NAALAD2: variants seen among roughly 807,000 people sequenced by gnomAD.
NAALAD2 encodes the protein N-acetylated alpha-linked acidic dipeptidase 2.
In NAALAD2, 89 loss-of-function variants were observed where a neutral mutation model predicts 95.6. The observed-to-expected ratio is 0.93, with a 90% confidence interval of 0.78 to 1.11. NAALAD2 has a LOEUF of 1.11. Among genes scored for constraint, NAALAD2 ranks in the 50% least tolerant of loss-of-function variants. The pLI, the probability that NAALAD2 is intolerant of heterozygous loss-of-function variation, is 0.00. For synonymous variants in NAALAD2, 264 were observed against 294.4 expected (o/e 0.90, Z 1.06); for missense variants, 894 against 872.4 (o/e 1.02, Z -0.31).
At chr11:90,158,417 C>T in intron 7 of NAALAD2, 179 bp downstream of exon 7, 2 of 517,892 alleles carry the variant, frequency 3.9e-6, no homozygotes, top group Non-Finnish European at 6.7e-6. Flanking sequence ...ATTTTAGTGA[C>T]TAAGAAATCA....
chr11:90,143,181 T>C (rs1476595491), intron 2 of NAALAD2, among the ~76,000 whole-genome samples: 1 of 152,142 alleles, frequency 6.6e-6, no homozygotes, highest in African/African-American at 2.4e-5. Context: ...TTTTTGATGC[T>C]TTTCATTTGT....
At chr11:90,191,048 C>A (rs1455897965) in intron 18 of NAALAD2, among the ~76,000 whole-genome samples, 3 of 152,028 alleles carry the variant, frequency 2.0e-5, no homozygotes, top group African/African-American at 4.8e-5. Context: ...AACTGTCTTA[C>A]CTTTGTGGAA....
intron 18 of NAALAD2, among the ~76,000 whole-genome samples, chr11:90,190,939 AGCT>A (rs1271234786): frequency 6.6e-6 from 1 of 152,168 alleles, no homozygotes; most frequent in Non-Finnish European, 1.5e-5. Context: ...TGCGGAAAGT[AGCT>A]TGATCCCTTG....
At chr11:90,168,605 TG>T (rs1456302150) in intron 11 of NAALAD2, among the ~76,000 whole-genome samples, 3 of 152,214 alleles carry the variant, frequency 2.0e-5, no homozygotes, top group Non-Finnish European at 2.9e-5. Context: ...CCCTAGAATA[TG>T]GGAGCCACAT....
chr11:90,150,351 G>A, intron 4 of NAALAD2, 131 bp from the exon 5 acceptor site: 2 of 475,604 alleles, frequency 4.2e-6, no homozygotes, highest in Admixed American at 3.7e-5. Flanking sequence ...AATTACTGTG[G>A]GTCTGTTTAT....
At position 90,191,970 on chromosome 11, in the gene NAALAD2, G is replaced by A; in HGVS notation, c.*223G>A. 3.4e-6 allele frequency: 1 copy of A among 293,194 alleles called. No homozygotes were observed. The highest frequency in any genetic ancestry group is 5.5e-5 in the East Asian group (1 of 18,166). 18.2% of individuals were successfully genotyped at this position (293,194 alleles called of 1,614,324 possible). On this transcript the variant is annotated 3_prime_UTR_variant, in exon 19 of 19. Coordinates refer to ENST00000534061, the MANE Select transcript of NAALAD2 (RefSeq NM_005467.4). ...CTAATGAAGTAAAAAACTCCTGTGT[G>A]GCAGAAAGTAAAAGAAAATTCCCTA...
At position 90,147,643 on chromosome 11, in the gene NAALAD2, C is replaced by T. The variant is rs1951778210; in HGVS notation, c.381+127C>T. 8.1e-6 allele frequency: 7 copies of T among 862,884 alleles called. No individual in the cohort carries two copies. In the South Asian group the frequency reaches 1.4e-4, roughly 17 times the overall value. The allele number at this position is 862,884 out of a possible 1,614,324, so 53.5% of individuals were successfully genotyped here. ...TATTCAGTATCCACTATGTGTTCGA[C>T]ATGGTGTTAAGTCCTGAGGCCAGAA... On this transcript the variant is annotated intron_variant, in intron 3 of 18. Coordinates refer to ENST00000534061, the MANE Select transcript of NAALAD2 (RefSeq NM_005467.4).
chr11:90,143,070 AT>A (rs1412745797), intron 2 of NAALAD2, among the ~76,000 whole-genome samples: 1 of 152,126 alleles, frequency 6.6e-6, no homozygotes, highest in Non-Finnish European at 1.5e-5. Context: ...ACCTCAAAAA[AT>A]AATGTTATAT....
At chr11:90,177,773 T>C (rs568374145) in intron 15 of NAALAD2, 80 bp from the exon 16 acceptor site, 1 of 1,354,460 alleles carries the variant, frequency 7.4e-7, no homozygotes, top group Non-Finnish European at 1.0e-6. Context: ...TTTTCTATAG[T>C]TATTTTTATG....
chr11:90,176,863 C>G (rs536499841), intron 15 of NAALAD2, among the ~76,000 whole-genome samples: 1 of 152,140 alleles, frequency 6.6e-6, no homozygotes, highest in Admixed American at 6.5e-5. Context: ...CCAGAGTAAC[C>G]CAAAATAGAT....
At chr11:90,155,383 TACATGTAA>T (rs1952047274) in intron 6 of NAALAD2, among the ~76,000 whole-genome samples, 2 of 90,330 alleles carry the variant, frequency 2.2e-5, no homozygotes, top group Non-Finnish European at 3.8e-5. Context: ...TTACATATTA[TACATGTAA>T]TATATAATAT....
At chr11:90,135,380 A>T (rs1487806368) in intron 1 of NAALAD2, among the ~76,000 whole-genome samples, 179 bp from the exon 2 acceptor site, 1 of 152,222 alleles carries the variant, frequency 6.6e-6, no homozygotes, top group Admixed American at 6.5e-5. Context: ...ATTATATTAC[A>T]TATCAGAATT....
chr11:90,136,498 C>A (rs937913745), intron 2 of NAALAD2, among the ~76,000 whole-genome samples: 1 of 152,118 alleles, frequency 6.6e-6, no homozygotes, highest in Non-Finnish European at 1.5e-5. Flanking sequence ...ACTGGAGATT[C>A]ATTTGCATTT....
intron 16 of NAALAD2, among the ~76,000 whole-genome samples, chr11:90,178,391 G>T (rs1408362261): frequency 1.3e-5 from 2 of 152,168 alleles, no homozygotes; most frequent in Non-Finnish European, 2.9e-5. Flanking sequence ...ATTTTTACTG[G>T]CTGGGTGCGG....
chr11:90,185,979 G>C (rs12793414), intron 18 of NAALAD2, among the ~76,000 whole-genome samples: 72,844 of 150,702 alleles, frequency 0.48, 18,232 homozygotes, highest in Non-Finnish European at 0.56. Flanking sequence ...ATGACTTTTT[G>C]AGTCCATGAT....
intron 2 of NAALAD2, among the ~76,000 whole-genome samples, chr11:90,146,022 A>G (rs1171593947): frequency 6.6e-6 from 1 of 152,132 alleles, no homozygotes; most frequent in Non-Finnish European, 1.5e-5. Context: ...ATTTAGAAAT[A>G]TCACTATTTC....
intron 2 of NAALAD2, among the ~76,000 whole-genome samples, chr11:90,143,338 A>G (rs1951670237): frequency 6.6e-6 from 1 of 152,074 alleles, no homozygotes; most frequent in African/African-American, 2.4e-5. Flanking sequence ...TTCTCCAAAC[A>G]TATTTTTCCT....
rs1857328090 is a variant in NAALAD2, at chr11:90,191,559, C to G, written c.2035C>G (p.His679Asp). 2 of 1,569,862 alleles carry G rather than the reference C, an allele frequency of 1.3e-6. No individual in the cohort carries two copies. Among genetic ancestry groups the G allele is most frequent in the Non-Finnish European group, 1.7e-6 (2 of 1,159,912 alleles). Reference sequence around the variant, plus strand: ...TTTGCCTTGTTTTCTTCCTTTTAGGCACATCATATTTGCTCCAAGTAGCCA... The same window carrying G: ...TTTGCCTTGTTTTCTTCCTTTTAGGGACATCATATTTGCTCCAAGTAGCCA... ...LGLPGKLFYR[H>D]IIFAPSSHNK... The change falls in exon 19 of 19, where the codon CAC becomes GAC. Residue 679 changes from histidine to aspartate, a missense_variant and splice_region_variant. Coordinates refer to ENST00000534061, the MANE Select transcript of NAALAD2 (RefSeq NM_005467.4).
chr11:90,158,264 AT>A lies in NAALAD2; in HGVS notation c.890+28del, dbSNP rs371256203. ...GTATAGTTTTCTTGTTGGATATGAG[AT>A]TAAGATATTTTGCACTAGTTGTCTA... On this transcript the variant is annotated intron_variant, in intron 7 of 18. Transcript: ENST00000534061. 144 of 1,538,138 alleles carry A rather than the reference AT, an allele frequency of 9.4e-5. No homozygotes were observed. The African/African-American group carries it at 1.8e-3, about 20-fold the overall frequency.
Sources: allele counts gnomAD v4.1 joint callset (sites outside exome capture counted in the v4.1 genomes callset), GRCh38; gene constraint gnomAD v4.1.1; transcripts MANE v1.5; gene names NCBI Gene and HGNC (gene_info 2026-07-23, HGNC 2026-07-21).